ADRA1B: variants seen among roughly 807,000 people sequenced by gnomAD.
ADRA1B encodes the protein adrenoceptor alpha 1B.
A neutral mutation model predicts 17.9 loss-of-function variants in ADRA1B; 17 were observed. The ratio of observed to expected loss-of-function variants is 0.95; its 90% CI spans 0.65 to 1.42. The LOEUF is 1.42. Among genes scored for constraint, ADRA1B ranks in the 40% most tolerant of loss-of-function variants. ADRA1B has a pLI of 0.00. For missense variants in ADRA1B, 681 were observed against 722.1 expected, an observed-to-expected ratio of 0.94 and a Z score of 0.65; for synonymous variants, 366 against 327.6, an observed-to-expected ratio of 1.12 and a Z score of -1.27.
At chr5:159,891,350 CACTT>C (rs1399802329) in intron 1 of ADRA1B, among the ~76,000 whole-genome samples, 1 of 152,124 alleles carries the variant, frequency 6.6e-6, no homozygotes, top group African/African-American at 2.4e-5. Context: ...GCTTGAAAAT[CACTT>C]ACACCACTCT....
At chr5:159,951,410 A>C (rs1561606008) in intron 1 of ADRA1B, 3 of 813,978 alleles carry the variant, frequency 3.7e-6, no homozygotes, top group Non-Finnish European at 6.4e-6. Flanking sequence ...AATGGCAACA[A>C]TATCCACTTT....
intron 1 of ADRA1B, among the ~76,000 whole-genome samples, chr5:159,944,329 T>C (rs1407783407): frequency 6.6e-6 from 1 of 152,160 alleles, no homozygotes; most frequent in African/African-American, 2.4e-5. Flanking sequence ...TGTCTGACCA[T>C]GGTGCAGTGT....
At chr5:159,868,519 G>C (rs1367444672) in intron 1 of ADRA1B, 1 of 152,330 alleles carries the variant, frequency 6.6e-6, no homozygotes, top group East Asian at 1.9e-4. Flanking sequence ...TAGTGTTTCA[G>C]TATTGAAGGA....
At chr5:159,941,846 G>A (rs1470039963) in intron 1 of ADRA1B, among the ~76,000 whole-genome samples, 1 of 151,544 alleles carries the variant, frequency 6.6e-6, no homozygotes, top group Non-Finnish European at 1.5e-5. Flanking sequence ...TGCACAGAGA[G>A]AGAAAGTAGA....
At chr5:159,871,608 C>T (rs768158250) in intron 1 of ADRA1B, among the ~76,000 whole-genome samples, 15 of 152,060 alleles carry the variant, frequency 9.9e-5, no homozygotes, top group South Asian at 4.2e-4. Flanking sequence ...GAGCTTAGGG[C>T]CCACCCTAAA....
At position 159,888,978 on chromosome 5, in the gene ADRA1B, G is replaced by A. The variant is rs117584243; in HGVS notation, c.-256+23772G>A. On this transcript the variant is annotated intron_variant, in intron 1 of 2. Transcript: ENST00000641205. ...AAACATCCCACATCCCAACATGGACGGCTCATCCAAGCTCCAAGCTAGTAC... is the reference window on the plus strand; with the variant it reads ...AAACATCCCACATCCCAACATGGACAGCTCATCCAAGCTCCAAGCTAGTAC... 5.9e-4 allele frequency among the ~76,000 whole-genome samples: 90 copies of A among 152,282 alleles called. No homozygotes were observed. The East Asian group carries it at 0.016, about 28-fold the overall frequency.
chr5:159,934,575 C>T (rs755635073), intron 1 of ADRA1B, among the ~76,000 whole-genome samples: 1 of 151,980 alleles, frequency 6.6e-6, no homozygotes, highest in East Asian at 1.9e-4. Context: ...GAGTCCGAGG[C>T]GGGCGGATCA....
chr5:159,973,054 G>A (rs951944059), downstream of ADRA1B, among the ~76,000 whole-genome samples: 6 of 152,204 alleles, frequency 3.9e-5, no homozygotes, highest in East Asian at 7.7e-4. Context: ...GCAGAGCCTT[G>A]CGTTTCCTCT....
At chr5:159,889,670 A>G (rs1250605263) in intron 1 of ADRA1B, among the ~76,000 whole-genome samples, 1 of 152,184 alleles carries the variant, frequency 6.6e-6, no homozygotes, top group Admixed American at 6.5e-5. Context: ...CTGGGGTTCA[A>G]TGGCATTCAG....
At chr5:159,933,826 G>A (rs1754878057) in intron 1 of ADRA1B, among the ~76,000 whole-genome samples, 1 of 152,196 alleles carries the variant, frequency 6.6e-6, no homozygotes, top group Non-Finnish European at 1.5e-5. Flanking sequence ...CAAAATAAAA[G>A]AAAACACTGT....
chr5:159,903,698 T>C (rs1754126531), intron 1 of ADRA1B, among the ~76,000 whole-genome samples: 1 of 152,146 alleles, frequency 6.6e-6, no homozygotes, highest in South Asian at 2.1e-4. Context: ...ACAGGCTCTC[T>C]TACTGTGGCT....
intron 1 of ADRA1B, chr5:159,950,788 G>A: frequency 3.3e-6 from 2 of 604,980 alleles, no homozygotes; most frequent in Non-Finnish European, 6.1e-6. Flanking sequence ...TGACACGTTG[G>A]TGATGTGGAC....
chr5:159,880,178 A>T (rs984530954), intron 1 of ADRA1B, among the ~76,000 whole-genome samples: 20 of 152,336 alleles, frequency 1.3e-4, no homozygotes, highest in African/African-American at 4.8e-4. Flanking sequence ...ATAAGACACA[A>T]ACTCTATCAT....
intron 1 of ADRA1B, among the ~76,000 whole-genome samples, chr5:159,907,283 C>T (rs185017942): frequency 6.6e-6 from 1 of 152,154 alleles, no homozygotes; most frequent in Non-Finnish European, 1.5e-5. Context: ...ATATTTCCAA[C>T]AAGCCCTGGC....
chr5:159,987,352 A>C, the ADRA1B span, among the ~76,000 whole-genome samples: 3 of 152,344 alleles, frequency 2.0e-5, no homozygotes, highest in South Asian at 6.2e-4. Flanking sequence ...CGGCGTCTCC[A>C]GCAGAGCGCA....
intron 1 of ADRA1B, among the ~76,000 whole-genome samples, chr5:159,874,000 C>T (rs534863806): frequency 1.8e-4 from 28 of 152,230 alleles, no homozygotes; most frequent in South Asian, 8.3e-4. Flanking sequence ...GTCTTCTGGA[C>T]GACTTACTGT....
At chr5:159,923,884 GA>G (rs1426284853) in intron 1 of ADRA1B, among the ~76,000 whole-genome samples, 3 of 152,242 alleles carry the variant, frequency 2.0e-5, no homozygotes, top group East Asian at 3.8e-4. Flanking sequence ...CCCATGCCTA[GA>G]AACCCCTGGA....
At chr5:159,929,906 G>A (rs1158852214) in intron 1 of ADRA1B, among the ~76,000 whole-genome samples, 2 of 152,186 alleles carry the variant, frequency 1.3e-5, no homozygotes, top group Admixed American at 1.3e-4. Context: ...ATGCGTATAT[G>A]TATGTTTGAG....
chr5:159,945,510 G>T (rs934576050), intron 1 of ADRA1B, among the ~76,000 whole-genome samples: 1 of 152,180 alleles, frequency 6.6e-6, no homozygotes, highest in Non-Finnish European at 1.5e-5. Context: ...AAGACCCTGA[G>T]ATAGGAATGC....
Sources: allele counts gnomAD v4.1 joint callset (sites outside exome capture counted in the v4.1 genomes callset), GRCh38; gene constraint gnomAD v4.1.1; transcripts MANE v1.5; gene names NCBI Gene and HGNC (gene_info 2026-07-23, HGNC 2026-07-21).